FSD2: variants seen among roughly 807,000 people sequenced by gnomAD.
The protein encoded by FSD2 is fibronectin type III and SPRY domain-containing protein 2.
A neutral mutation model predicts 80.4 loss-of-function variants in FSD2; 71 were observed. The observed-to-expected ratio is 0.88, with a 90% CI of 0.73 to 1.08. The LOEUF (loss-of-function observed/expected upper bound fraction) is 1.08, where lower values mean the gene tolerates loss of function less well. Among genes scored for constraint, FSD2 ranks in the 50% least tolerant of loss-of-function variants. FSD2 has a pLI of 0.00. For missense variants in FSD2, 923 were observed against 913.8 expected, an observed-to-expected ratio of 1.01 and a Z score of -0.13; for synonymous variants, 361 against 329.5, an observed-to-expected ratio of 1.10 and a Z score of -1.03.
intron 1 of FSD2, among the ~76,000 whole-genome samples, chr15:82,797,269 G>T (rs570410935): frequency 7.0e-4 from 106 of 152,294 alleles, no homozygotes; most frequent in Admixed American, 1.3e-3. Context: ...ACACATTTCA[G>T]AAAGAGTTCA....
chr15:82,762,511 A>C (rs979206154), intron 11 of FSD2, among the ~76,000 whole-genome samples: 3 of 152,212 alleles, frequency 2.0e-5, no homozygotes, highest in African/African-American at 7.2e-5. Context: ...GCACTAAACC[A>C]ACAGAACAAG....
In FSD2 at chr15:82,782,104, T is replaced by TAATAATAATAATA. The variant is rs749972634; in HGVS notation, c.966+690_966+691insTATTATTATTATT. ...ATAATAATAATAATAATAATAATAA[T>TAATAATAATAATA]AAAACTCTTGGCCGGGCATGGTGGC... On this transcript the variant is annotated intron_variant, in intron 4 of 12. Transcript: ENST00000334574. 3.0e-4 allele frequency among the ~76,000 whole-genome samples: 36 copies of TAATAATAATAATA among 118,940 alleles called. 1 individual carries two copies. The highest frequency in any genetic ancestry group is 9.9e-4 in the African/African-American group (32 of 32,316). The allele number at this position is 118,940 out of a possible 152,430, so 78.0% of individuals were successfully genotyped here.
At chr15:82,783,061 C>T in intron 3 of FSD2, 36 bp from the exon 4 acceptor site, 2 of 1,431,806 alleles carry the variant, frequency 1.4e-6, no homozygotes, top group Non-Finnish European at 2.0e-6. Flanking sequence ...CATTTCAGCG[C>T]ATGTAGTGTG....
chr15:82,762,363 G>A, intron 11 of FSD2, 85 bp from the exon 12 acceptor site: 1 of 1,332,238 alleles, frequency 7.5e-7, no homozygotes. Context: ...GCTGGGATCA[G>A]TCAGTCGGTG....
chr15:82,775,412 T>A (rs1372045575), intron 6 of FSD2, among the ~76,000 whole-genome samples: 2 of 150,484 alleles, frequency 1.3e-5, no homozygotes, highest in Admixed American at 1.3e-4. Context: ...AAAAAAAAAA[T>A]TCATATAATT....
intron 8 of FSD2, among the ~76,000 whole-genome samples, chr15:82,769,240 T>C (rs181389869): frequency 9.9e-5 from 15 of 152,200 alleles, no homozygotes; most frequent in African/African-American, 3.6e-4. Flanking sequence ...AGAGTAGCAG[T>C]TTTTTATATT....
chr15:82,769,744 C>G lies in FSD2; in HGVS notation c.1402+6G>C. 1 of 1,607,136 alleles carries G rather than the reference C, an allele frequency of 6.2e-7. No individual in the cohort carries two copies. Among genetic ancestry groups the G allele is most frequent in the Non-Finnish European group, 8.5e-7 (1 of 1,174,460 alleles). ...GCCCTGCTATAGGAAATGAGTAGCCCATTACCTGTCATGTACACTGCACGC... is the reference window on the plus strand; with the variant it reads ...GCCCTGCTATAGGAAATGAGTAGCCGATTACCTGTCATGTACACTGCACGC... On this transcript the variant is annotated splice_donor_region_variant and intron_variant, in intron 8 of 12. Coordinates refer to ENST00000334574, the MANE Select transcript of FSD2 (RefSeq NM_001007122.4).
At chr15:82,794,946 G>A (rs557017176) in intron 1 of FSD2, among the ~76,000 whole-genome samples, 5 of 152,130 alleles carry the variant, frequency 3.3e-5, no homozygotes, top group Non-Finnish European at 5.9e-5. Flanking sequence ...TGATGGTCTC[G>A]ATCTCCTGAC....
chr15:82,784,158 A>G (rs1174862054), intron 3 of FSD2, among the ~76,000 whole-genome samples: 3 of 152,200 alleles, frequency 2.0e-5, no homozygotes, highest in Non-Finnish European at 4.4e-5. Flanking sequence ...AGTGTTGAGT[A>G]TGAAAGGATG....
intron 1 of FSD2, among the ~76,000 whole-genome samples, chr15:82,793,940 T>A: frequency 6.6e-6 from 1 of 152,104 alleles, no homozygotes; most frequent in Non-Finnish European, 1.5e-5. Context: ...TTACTTCAAA[T>A]AATCTGCTTT....
At chr15:82,790,574 G>C (rs1013563662) in intron 1 of FSD2, among the ~76,000 whole-genome samples, 1 of 122,770 alleles carries the variant, frequency 8.1e-6, no homozygotes, top group African/African-American at 3.0e-5. Context: ...GTGTTCGTGC[G>C]TGTGTGTGTG....
chr15:82,782,845 T>C lies in FSD2; in HGVS notation c.916A>G (p.Met306Val), dbSNP rs1230782346. The part of the protein sequence containing the change: ...GENLDTCKEL[M>V]ETIEEMCHEE... ...TGACACATCTCCTCTATTGTTTCCA[T>C]CAGTTCTTTGCAAGTATCTAGGTTT... Residue 306 changes from methionine (M) to valine (V), a missense_variant, in exon 4 of 13, where the codon ATG (methionine) becomes GTG (valine). Met to Val is a conservative substitution (Grantham distance 21). Transcript: ENST00000334574. The C allele has an allele frequency of 6.2e-6, 10 of 1,613,916 alleles. No homozygotes were observed. In the African/African-American group the frequency reaches 1.1e-4, roughly 17 times the overall value.
intron 11 of FSD2, among the ~76,000 whole-genome samples, chr15:82,763,105 A>G (rs571148763): frequency 2.6e-4 from 40 of 152,312 alleles, no homozygotes; most frequent in African/African-American, 7.7e-4. Flanking sequence ...CACCTATAAA[A>G]TGAGGCCATC....
intron 1 of FSD2, among the ~76,000 whole-genome samples, chr15:82,797,020 TAA>T (rs11286584): frequency 0.026 from 2,512 of 97,282 alleles, 56 homozygotes; most frequent in African/African-American, 0.081. Flanking sequence ...GCTTGGTAAT[TAA>T]AAAAAAAAAA....
At chr15:82,789,501 C>A (rs1018223061) in intron 1 of FSD2, among the ~76,000 whole-genome samples, 22 of 152,170 alleles carry the variant, frequency 1.4e-4, no homozygotes, top group Admixed American at 1.3e-3. Flanking sequence ...GCACTGCTAT[C>A]ATCCCCATTT....
Position 82,759,738 on chromosome 15 carries a change from CATTTCTAAAACT to C in FSD2, c.1998-150_1998-139del, listed in dbSNP as rs568542149. ...TTAAATGACTACCAAGGTGACAAGCCATTTCTAAAACTATACTCTCTAAACTATCTCTTTTCT... is the reference window on the plus strand; with the variant it reads ...TTAAATGACTACCAAGGTGACAAGCCATACTCTCTAAACTATCTCTTTTCT... On this transcript the variant is annotated intron_variant, in intron 12 of 12. Transcript: ENST00000334574. 54 of 672,876 alleles carry C rather than the reference CATTTCTAAAACT, an allele frequency of 8.0e-5. No homozygotes were observed. The Admixed American group carries it at 1.4e-3, about 18-fold the overall frequency. 41.7% of individuals were successfully genotyped at this position (672,876 alleles called of 1,614,324 possible).
chr15:82,783,166 T>C (rs918170006), intron 3 of FSD2, 141 bp from the exon 4 acceptor site: 16 of 639,240 alleles, frequency 2.5e-5, no homozygotes, highest in Non-Finnish European at 3.8e-5. Flanking sequence ...TAGTGTGATC[T>C]TGGCTCATTG....
At chr15:82,768,075 C>G (rs1280250030) in intron 9 of FSD2, among the ~76,000 whole-genome samples, 3 of 152,168 alleles carry the variant, frequency 2.0e-5, no homozygotes, top group African/African-American at 7.2e-5. Context: ...TGAGTCCAAC[C>G]CTTATCAATT....
At position 82,782,731 on chromosome 15, in the gene FSD2, G is replaced by A. The variant is rs117521374; in HGVS notation, c.966+64C>T. ...CTAGCTTACCTCAACCATAACTGTC[G>A]TTTCCGTTTATAATTCCATCTCTTT... On this transcript the variant is annotated intron_variant, in intron 4 of 12. Transcript: ENST00000334574. The A allele has an allele frequency of 8.5e-4, 1,170 of 1,381,208 alleles. 11 individuals carry two copies. The East Asian group carries it at 0.024, about 29-fold the overall frequency. 85.6% of individuals were successfully genotyped at this position (1,381,208 alleles called of 1,614,324 possible). A position where few individuals can be genotyped will look rare whatever the true frequency, so the allele number is the denominator to read the frequency against.
Sources: gnomAD v4.1 joint callset for allele counts (sites outside exome capture counted in the v4.1 genomes callset) on GRCh38, gnomAD v4.1.1 for gene constraint, MANE v1.5 for transcripts, NCBI Gene and HGNC (gene_info 2026-07-23, HGNC 2026-07-21) for gene names.